Variants in PRKCG observed in about 807,000 individuals in gnomAD.
PRKCG encodes protein kinase C gamma type.
In PRKCG, 28 loss-of-function variants were observed where a neutral mutation model predicts 82.0. The observed-to-expected ratio is 0.34, with a 90% CI of 0.25 to 0.47. The LOEUF is 0.47. PRKCG is among the 20% of genes least tolerant of loss of function. The pLI, the probability that PRKCG is intolerant of heterozygous loss-of-function variation, is 1.00. For synonymous variants in PRKCG, 383 were observed against 376.6 expected (o/e 1.02, Z -0.20); for missense variants, 640 against 952.7 (o/e 0.67, Z 4.32).
Position 53,904,750 on chromosome 19 carries a change from C to A in PRKCG, c.1764+8C>A, listed in dbSNP as rs756397908. The A allele has an allele frequency of 1.2e-6, 2 of 1,605,174 alleles. No individual in the cohort carries two copies. Among genetic ancestry groups the A allele is most frequent in the Non-Finnish European group, 1.7e-6 (2 of 1,173,712 alleles). ...GTGGCCATCTGCAAGGGGGTGAGAG[C>A]CCCCTGACTCCCAGCTTCTCCAGGC... On this transcript the variant is annotated splice_region_variant and intron_variant, in intron 16 of 17. Coordinates refer to ENST00000263431, the MANE Select transcript of PRKCG (RefSeq NM_002739.5).
intron 15 of PRKCG, among the ~76,000 whole-genome samples, chr19:53,903,930 G>A (rs1208830843): frequency 6.6e-6 from 1 of 152,138 alleles, no homozygotes; most frequent in Non-Finnish European, 1.5e-5. Flanking sequence ...TGGTAGTAAA[G>A]TAAAAAGGAG....
chr19:53,899,181 G>C (rs533695670), intron 11 of PRKCG, among the ~76,000 whole-genome samples: 2 of 151,576 alleles, frequency 1.3e-5, no homozygotes, highest in African/African-American at 4.8e-5. Flanking sequence ...GGCATGGCCT[G>C]GCCAGGTGAA....
rs1226283675 is a variant in PRKCG, at chr19:53,907,095, G to A, written c.*200G>A. ...TCCATACAGCCTCTACAGCCGTCCCGCGTTCAAGACTTGAGCGGAGCCCGA... is the reference window on the plus strand; with the variant it reads ...TCCATACAGCCTCTACAGCCGTCCCACGTTCAAGACTTGAGCGGAGCCCGA... On this transcript the variant is annotated 3_prime_UTR_variant, in exon 18 of 18. Transcript: ENST00000263431. 4.0e-6 allele frequency: 5 copies of A among 1,264,118 alleles called. No individual in the cohort carries two copies. Among genetic ancestry groups the A allele is most frequent in the Non-Finnish European group, 4.3e-6 (4 of 927,574 alleles). The allele number at this position is 1,264,118 out of a possible 1,614,324, so 78.3% of individuals were successfully genotyped here. A position where few individuals can be genotyped will look rare whatever the true frequency, so the allele number is the denominator to read the frequency against.
intron 11 of PRKCG, among the ~76,000 whole-genome samples, chr19:53,899,082 T>G (rs1245480381): frequency 7.1e-6 from 1 of 140,640 alleles, no homozygotes; most frequent in East Asian, 2.2e-4. Flanking sequence ...AGATTATGAA[T>G]GAGCGTATCC....
At chr19:53,898,750 G>A (rs1301994686) in intron 11 of PRKCG, 122 bp downstream of exon 11, 2 of 552,600 alleles carry the variant, frequency 3.6e-6, no homozygotes, top group Non-Finnish European at 3.0e-6. Flanking sequence ...AGTGGGCGAG[G>A]CCAGGCGGAT....
upstream of PRKCG, among the ~76,000 whole-genome samples, chr19:53,881,197 G>A (rs532742257): frequency 2.7e-4 from 41 of 152,250 alleles, no homozygotes; most frequent in African/African-American, 8.4e-4. Context: ...TGGAACCAGA[G>A]AGATATAGGA....
chr19:53,898,912 A>C (rs567574427), intron 11 of PRKCG, among the ~76,000 whole-genome samples: 14 of 57,168 alleles, frequency 2.4e-4, no homozygotes, highest in Middle Eastern at 0.017. Context: ...GGAGGGACTC[A>C]TCGGGGGCGT....
At chr19:53,903,271 T>C (rs752672214) in intron 15 of PRKCG, 118 bp downstream of exon 15, 9 of 831,486 alleles carry the variant, frequency 1.1e-5, no homozygotes, top group Middle Eastern at 2.5e-4. Context: ...GCGCTGTCCA[T>C]GGTTCTGAAG....
At chr19:53,893,192 C>G in intron 8 of PRKCG, 117 bp downstream of exon 8, 1 of 1,224,686 alleles carries the variant, frequency 8.2e-7, no homozygotes, top group South Asian at 1.2e-5. Context: ...CCCAGAAGAC[C>G]CTAGGACTCC....
At chr19:53,885,387 C>A (rs975763133) in intron 3 of PRKCG, among the ~76,000 whole-genome samples, 2 of 152,090 alleles carry the variant, frequency 1.3e-5, no homozygotes, top group African/African-American at 4.8e-5. Flanking sequence ...TGCCACCACA[C>A]CCCGCTAATT....
At position 53,898,026 on chromosome 19, in the gene PRKCG, G is replaced by T. The variant is rs1245250025; in HGVS notation, c.1007G>T (p.Arg336Leu). Residue 336 changes from arginine (R) to leucine (L), a missense_variant, in exon 10 of 18, where the codon CGC becomes CTC. Arg to Leu is a moderately radical substitution (Grantham distance 102). Coordinates refer to ENST00000263431, the MANE Select transcript of PRKCG (RefSeq NM_002739.5). ...TCCCCTAGTCCCACCGACCCCAAGCGCTGCTTCTTCGGGGCGAGTCCAGGA... is the reference window on the plus strand; with the variant it reads ...TCCCCTAGTCCCACCGACCCCAAGCTCTGCTTCTTCGGGGCGAGTCCAGGA... ...SPSPSPTDPK[R>L]CFFGASPGRL... 1 of 1,614,012 alleles carries T rather than the reference G, an allele frequency of 6.2e-7. No individual in the cohort carries two copies. The highest frequency in any genetic ancestry group is 1.1e-5 in the South Asian group (1 of 91,070).
In PRKCG at chr19:53,883,041, G is replaced by A. The variant is rs926458893; in HGVS notation, c.171-122G>A. The A allele has an allele frequency of 3.9e-6, 5 of 1,293,032 alleles. No homozygotes were observed. The highest frequency in any genetic ancestry group is 4.5e-6 in the Non-Finnish European group (4 of 893,222). The allele number at this position is 1,293,032 out of a possible 1,614,324, so 80.1% of individuals were successfully genotyped here. ...TGGGTTCTAGAAAGAGGAGGTGGCCGGGGCTTGGACACCTGGGCCCTGCGG... is the reference window on the plus strand; with the variant it reads ...TGGGTTCTAGAAAGAGGAGGTGGCCAGGGCTTGGACACCTGGGCCCTGCGG... On this transcript the variant is annotated intron_variant, in intron 1 of 17. Coordinates refer to ENST00000263431, the MANE Select transcript of PRKCG (RefSeq NM_002739.5). The surrounding 1 kb of genome is among the most constrained non-coding windows in gnomAD (Gnocchi z 5.4).
intron 9 of PRKCG, among the ~76,000 whole-genome samples, chr19:53,894,759 C>T (rs1378260895): frequency 6.6e-6 from 1 of 152,202 alleles, no homozygotes; most frequent in East Asian, 1.9e-4. Context: ...CACGCCCAGA[C>T]GAATACCCAT....
In PRKCG at chr19:53,898,539, G is replaced by C. The variant is rs1165667637; in HGVS notation, c.1192G>C (p.Val398Leu). ...GGACGACGATGTGGACTGCACGCTG[G>C]TGGAGAAACGTGTGCTGGCGCTGGG... is the stretch of plus-strand genomic sequence containing the variant. ...VQDDDVDCTL[V>L]EKRVLALGGR... Residue 398 changes from valine to leucine, a missense_variant, in exon 11 of 18, where the codon GTG becomes CTG. This residue lies in a region of PRKCG where 22 missense variants were observed against 59.0 expected (regional missense o/e 0.37). Coordinates refer to ENST00000263431, the MANE Select transcript of PRKCG (RefSeq NM_002739.5). 1 of 1,613,598 alleles carries C rather than the reference G, an allele frequency of 6.2e-7. No homozygotes were observed. The highest frequency in any genetic ancestry group is 8.5e-7 in the Non-Finnish European group (1 of 1,180,016).
intron 15 of PRKCG, among the ~76,000 whole-genome samples, chr19:53,903,934 A>T (rs2123024345): frequency 6.6e-6 from 1 of 152,282 alleles, no homozygotes; most frequent in South Asian, 2.1e-4. Flanking sequence ...AGTAAAGTAA[A>T]AAGGAGCTCT....
chr19:53,890,102 C>G, intron 5 of PRKCG, 85 bp downstream of exon 5: 1 of 1,433,128 alleles, frequency 7.0e-7, no homozygotes, highest in Non-Finnish European at 9.5e-7. Context: ...TGGCCCAGCC[C>G]TACCCCAAAG....
At chr19:53,903,885 A>C (rs2545050) in intron 15 of PRKCG, among the ~76,000 whole-genome samples, 1 of 152,228 alleles carries the variant, frequency 6.6e-6, no homozygotes, top group Non-Finnish European at 1.5e-5. Context: ...ACATATGTGC[A>C]ATTTCTTATT....
rs139392959 is a variant in PRKCG at position 53,884,667 on chromosome 19, C to CAGAG, written c.285+436_285+439dup. Among the ~76,000 whole-genome samples, 1 of 150,242 alleles carries CAGAG rather than the reference C, an allele frequency of 6.7e-6. No individual in the cohort carries two copies. The highest frequency in any genetic ancestry group is 1.5e-5 in the Non-Finnish European group (1 of 67,440). On this transcript the variant is annotated intron_variant, in intron 3 of 17. Coordinates refer to ENST00000263431, the MANE Select transcript of PRKCG (RefSeq NM_002739.5). This position sits in a 1 kb window ranked among gnomAD's most constrained non-coding sequence, Gnocchi z 4.6. ...GACCTAGGAGAGACTGAAGCTGAGG[C>CAGAG]AGAGAGAGAGAGAGATGGAGCAGAG...
rs2068613816 is a variant in PRKCG at position 53,884,096 on chromosome 19, C to T, written c.203-65C>T. 7.3e-6 allele frequency: 11 copies of T among 1,510,680 alleles called. No individual in the cohort carries two copies. Among genetic ancestry groups the T allele is most frequent in the East Asian group, 2.3e-5 (1 of 44,408 alleles). 93.6% of individuals were successfully genotyped at this position (1,510,680 alleles called of 1,614,324 possible). The stretch of plus-strand genomic sequence containing the variant: ...CCGCTCTCTCTTTCCAATTTTCTGT[C>T]TGCTGGGGTCTCCCGCTGGACTAAT... On this transcript the variant is annotated intron_variant, in intron 2 of 17. Coordinates refer to ENST00000263431, the MANE Select transcript of PRKCG (RefSeq NM_002739.5). This position sits in a 1 kb window ranked among gnomAD's most constrained non-coding sequence, Gnocchi z 4.6.
Sources: allele counts gnomAD v4.1 joint callset (sites outside exome capture counted in the v4.1 genomes callset), GRCh38; gene constraint gnomAD v4.1.1; regional missense constraint gnomAD v4.1.1; non-coding constraint Gnocchi (gnomAD v3.1); transcripts MANE v1.5; gene names NCBI Gene and HGNC (gene_info 2026-07-23, HGNC 2026-07-21).